The following PARD3 variants were observed in gnomAD, a reference collection of about 807,000 sequenced individuals.
PARD3 encodes the protein par-3 family cell polarity regulator.
Under a neutral mutation model 155.4 loss-of-function variants are expected in PARD3, and 75 were observed. The observed-to-expected ratio is 0.48, with a 90% CI of 0.40 to 0.58. The LOEUF (loss-of-function observed/expected upper bound fraction) is 0.58, where lower values mean the gene tolerates loss of function less well. Ranked by LOEUF, PARD3 falls within the 20% of genes least tolerant of loss-of-function variation. The pLI is 0.00. For missense variants in PARD3, 1,642 were observed against 1,721.7 expected, an observed-to-expected ratio of 0.95 and a Z score of 0.82; for synonymous variants, 576 against 610.5, an observed-to-expected ratio of 0.94 and a Z score of 0.83.
intron 22 of PARD3, among the ~76,000 whole-genome samples, chr10:34,167,911 TATGTCCCCAAATCATGG>T (rs1370912800): frequency 6.6e-6 from 1 of 152,166 alleles, no homozygotes; most frequent in Non-Finnish European, 1.5e-5. Flanking sequence ...CCACTGACCC[TATGTCCCCAAATCATGG>T]ACTACCATGA....
At chr10:34,494,767 T>C (rs75039864) in intron 3 of PARD3, among the ~76,000 whole-genome samples, 122 of 152,330 alleles carry the variant, frequency 8.0e-4, no homozygotes, top group African/African-American at 2.8e-3. Context: ...TTTTTAATAA[T>C]TGTTGTTCCC....
rs149854349 is a variant in PARD3, at chr10:34,783,256, C to T, written c.120+31620G>A. On this transcript the variant is annotated intron_variant, in intron 1 of 24. Transcript: ENST00000374788. ...TGAATTTTTAAATATTTCTGATTGGCCTCCATTTTTATTTGGAATAGTTTT... is the reference window on the plus strand; with the variant it reads ...TGAATTTTTAAATATTTCTGATTGGTCTCCATTTTTATTTGGAATAGTTTT... Among the ~76,000 whole-genome samples the T allele has an allele frequency of 1.4e-3, 213 of 152,146 alleles. 1 individual carries two copies. The highest frequency in any genetic ancestry group is 1.5e-3 in the Non-Finnish European group (102 of 67,994).
chr10:34,135,540 A>C (rs1947849165), intron 22 of PARD3, among the ~76,000 whole-genome samples: 1 of 152,180 alleles, frequency 6.6e-6, no homozygotes. Context: ...GCGGTGTACA[A>C]GGCTTCTACA....
chr10:34,486,971 G>A (rs2133270030), intron 3 of PARD3, among the ~76,000 whole-genome samples: 1 of 152,002 alleles, frequency 6.6e-6, no homozygotes, highest in East Asian at 1.9e-4. Context: ...TCCAGGCCTG[G>A]CCGTCTCCAA....
chr10:34,559,441 A>T (rs1050166908), intron 2 of PARD3, among the ~76,000 whole-genome samples: 2 of 111,740 alleles, frequency 1.8e-5, no homozygotes, highest in Admixed American at 8.2e-5. Flanking sequence ...TTTTTCTCCT[A>T]AAAAAAAATG....
chr10:34,331,738 G>T (rs1835638536), intron 18 of PARD3, among the ~76,000 whole-genome samples: 1 of 148,154 alleles, frequency 6.7e-6, no homozygotes, highest in Non-Finnish European at 1.5e-5. Context: ...AATAAGCTTT[G>T]CACTTAATTA....
intron 2 of PARD3, among the ~76,000 whole-genome samples, chr10:34,613,373 C>G (rs1036981216): frequency 2.6e-5 from 4 of 152,114 alleles, no homozygotes; most frequent in African/African-American, 9.7e-5. Context: ...AAGAAAGCAG[C>G]CCCAAAACAC....
At chr10:34,769,950 C>G (rs1302981077) in intron 1 of PARD3, among the ~76,000 whole-genome samples, 1 of 152,110 alleles carries the variant, frequency 6.6e-6, no homozygotes, top group African/African-American at 2.4e-5. Context: ...TGGGGTTCCC[C>G]TTCTCTAGTA....
rs200996563 is a variant in PARD3, at chr10:34,488,342, C to CA, written c.404-18080dup. Among the ~76,000 whole-genome samples, 60 of 151,714 alleles carry CA rather than the reference C, an allele frequency of 4.0e-4. 1 individual carries two copies. In the East Asian group the frequency reaches 8.7e-3, roughly 22 times the overall value. On this transcript the variant is annotated intron_variant, in intron 3 of 24. Transcript: ENST00000374788. ...ATTTTTATTTATTTATTTTTTGAGA[C>CA]AGAGTCTCGCTCTGTCACCCAGGCT...
chr10:34,227,856 T>A (rs12249955), intron 22 of PARD3, among the ~76,000 whole-genome samples: 3,827 of 81,612 alleles, frequency 0.047, 400 homozygotes, highest in African/African-American at 0.15. Flanking sequence ...GAATTATTTT[T>A]TATATATATA....
At chr10:34,674,155 G>A (rs934624676) in intron 2 of PARD3, among the ~76,000 whole-genome samples, 4 of 151,392 alleles carry the variant, frequency 2.6e-5, no homozygotes, top group Non-Finnish European at 2.9e-5. Context: ...GTATTTCTTC[G>A]TTAACAAGAA....
chr10:34,340,694 G>A (rs1836715351), intron 16 of PARD3, among the ~76,000 whole-genome samples: 1 of 152,048 alleles, frequency 6.6e-6, no homozygotes. Flanking sequence ...TGGGGGAGTG[G>A]TTCACTTTGT....
intron 22 of PARD3, among the ~76,000 whole-genome samples, chr10:34,140,370 C>T (rs575493724): frequency 6.6e-6 from 1 of 152,172 alleles, no homozygotes; most frequent in Admixed American, 6.5e-5. Context: ...CCTGTGAAAG[C>T]GTTTGCACGT....
chr10:34,293,484 A>C (rs1189835858), intron 20 of PARD3, among the ~76,000 whole-genome samples: 6 of 152,170 alleles, frequency 3.9e-5, no homozygotes, highest in Non-Finnish European at 8.8e-5. Context: ...ATACAAACAT[A>C]CTATATATAT....
chr10:34,450,511 C>T, intron 4 of PARD3, 63 bp from the exon 5 acceptor site: 3 of 1,465,330 alleles, frequency 2.0e-6, no homozygotes, highest in Non-Finnish European at 2.8e-6. Flanking sequence ...CAGTAATGCA[C>T]CTGGTTTTTC....
intron 22 of PARD3, among the ~76,000 whole-genome samples, chr10:34,241,235 A>G (rs1213909420): frequency 6.6e-6 from 1 of 152,192 alleles, no homozygotes; most frequent in Non-Finnish European, 1.5e-5. Context: ...CTGAGCCTGG[A>G]TAACAGGAAG....
chr10:34,717,718 C>G (rs1243272538), intron 1 of PARD3, among the ~76,000 whole-genome samples: 1 of 152,052 alleles, frequency 6.6e-6, no homozygotes, highest in Non-Finnish European at 1.5e-5. Context: ...TGTACTCTGA[C>G]AGCAGCTGGG....
intron 14 of PARD3, among the ~76,000 whole-genome samples, chr10:34,349,555 T>TAAATTCCA (rs1416802623): frequency 6.9e-5 from 5 of 72,846 alleles, no homozygotes; most frequent in Non-Finnish European, 1.0e-4. Context: ...ATGTAATGCC[T>TAAATTCCA]AAATTCCAAG....
intron 1 of PARD3, among the ~76,000 whole-genome samples, chr10:34,723,885 G>T (rs2094651166): frequency 6.6e-6 from 1 of 152,164 alleles, no homozygotes; most frequent in Non-Finnish European, 1.5e-5. Flanking sequence ...CAGTGGAAGG[G>T]TGCCGCAGGC....
Sources: allele counts gnomAD v4.1 joint callset (sites outside exome capture counted in the v4.1 genomes callset), GRCh38; gene constraint gnomAD v4.1.1; transcripts MANE v1.5; gene names NCBI Gene and HGNC (gene_info 2026-07-23, HGNC 2026-07-21).